Variants in CEP135 observed in about 807,000 individuals in gnomAD.
CEP135 encodes centrosomal protein 135.
In CEP135, 142 loss-of-function variants were observed where a neutral mutation model predicts 157.3. That is an observed-to-expected ratio of 0.90 (90% CI 0.79 to 1.04). CEP135 has a LOEUF of 1.04. CEP135 is among the 50% of genes least tolerant of loss of function. The pLI, the probability that CEP135 is intolerant of heterozygous loss-of-function variation, is 0.00. For missense variants in CEP135, 1,317 were observed against 1,309.2 expected (o/e 1.01, Z -0.09); for synonymous variants, 396 against 439.8 (o/e 0.90, Z 1.25).
chr4:55,999,644 A>C lies in CEP135; in HGVS notation c.2279A>C (p.Lys760Thr). The change falls in exon 17 of 26, where the codon AAA becomes ACA. Residue 760 changes from lysine to threonine, a missense_variant and splice_region_variant. By Grantham distance (78) the Lys-to-Thr change is moderately conservative (BLOSUM62 -1). Transcript: ENST00000257287. ...AATTTGCAAGAAAACCTAGCTAATA[A>C]AGTATGTGATCGTTTAATGTAATTT... ...IANLQENLAN[K>T]EKAVAQMKIM... The C allele has an allele frequency of 6.3e-7, 1 of 1,584,950 alleles. No individual in the cohort carries two copies. The highest frequency in any genetic ancestry group is 8.5e-7 in the Non-Finnish European group (1 of 1,173,174).
intron 25 of CEP135, among the ~76,000 whole-genome samples, chr4:56,027,192 CCTT>C (rs1234487337): frequency 3.3e-5 from 5 of 152,174 alleles, no homozygotes; most frequent in African/African-American, 1.2e-4. Context: ...TGGTGGTTCA[CCTT>C]CTTGTTACAA....
intron 14 of CEP135, among the ~76,000 whole-genome samples, chr4:55,988,227 G>C (rs1729661887): frequency 6.6e-6 from 1 of 151,134 alleles, no homozygotes; most frequent in African/African-American, 2.4e-5. Context: ...GAGTGTGGGG[G>C]GCGGGGGGTG....
At chr4:55,967,359 T>G (rs1195202195) in intron 8 of CEP135, among the ~76,000 whole-genome samples, 1 of 152,200 alleles carries the variant, frequency 6.6e-6, no homozygotes, top group Non-Finnish European at 1.5e-5. Context: ...GTGTCTTATT[T>G]AAAGCCTTTG....
At chr4:55,956,630 G>C (rs1728513395) in intron 4 of CEP135, among the ~76,000 whole-genome samples, 1 of 150,998 alleles carries the variant, frequency 6.6e-6, no homozygotes, top group South Asian at 2.1e-4. Context: ...TTTTTTTTGA[G>C]ATGGAGTTTC....
At chr4:55,968,622 C>T (rs1156823760) in intron 8 of CEP135, among the ~76,000 whole-genome samples, 1 of 152,172 alleles carries the variant, frequency 6.6e-6, no homozygotes, top group African/African-American at 2.4e-5. Flanking sequence ...ATTGCAAATG[C>T]TCAGAAATGA....
chr4:55,957,239 T>C lies in CEP135; in HGVS notation c.489T>C (p.Ser163=). ...VVQTPGGKKR[S]IAFRRQRMQI... is the part of the protein sequence containing the mutation. Reference sequence around the variant, plus strand: ...TCTTTTTAGGTGGCAAGAAAAGAAGTATTGCTTTCAGGCGCCAGCGTATGC... The same window carrying C: ...TCTTTTTAGGTGGCAAGAAAAGAAGCATTGCTTTCAGGCGCCAGCGTATGC... Residue 163 remains serine (S), a synonymous_variant, in exon 5 of 26, where the codon AGT becomes AGC. Coordinates refer to ENST00000257287, the MANE Select transcript of CEP135 (RefSeq NM_025009.5). The C allele has an allele frequency of 6.2e-7, 1 of 1,613,650 alleles. No individual in the cohort carries two copies. The highest frequency in any genetic ancestry group is 2.2e-5 in the East Asian group (1 of 44,878).
intron 14 of CEP135, among the ~76,000 whole-genome samples, chr4:55,990,099 AT>A (rs1303520160): frequency 2.6e-5 from 4 of 151,978 alleles, no homozygotes; most frequent in African/African-American, 9.7e-5. Flanking sequence ...TTTGTTAGTA[AT>A]TGACTTTGTT....
At chr4:55,993,473 C>T (rs913585636) in intron 15 of CEP135, among the ~76,000 whole-genome samples, 46 of 152,270 alleles carry the variant, frequency 3.0e-4, no homozygotes, top group Non-Finnish European at 6.0e-4. Flanking sequence ...GCTTCTCTGA[C>T]GATAGTTTTG....
At chr4:56,027,312 A>G (rs1731186645) in intron 25 of CEP135, among the ~76,000 whole-genome samples, 1 of 152,218 alleles carries the variant, frequency 6.6e-6, no homozygotes, top group South Asian at 2.1e-4. Flanking sequence ...AATCCATACC[A>G]CTGCCTATTA....
rs1184861455 is a variant in CEP135 at position 56,019,482 on chromosome 4, CACTT to C, written c.3144_3147del (p.His1048GlnfsTer17). The C allele has an allele frequency of 5.6e-6, 9 of 1,613,902 alleles. No homozygotes were observed. The highest frequency in any genetic ancestry group is 7.6e-6 in the Non-Finnish European group (9 of 1,179,964). On this transcript the variant is annotated frameshift_variant, in exon 23 of 26. Transcript: ENST00000257287. LOFTEE classifies it high-confidence loss of function. ...AAACAGAGATAAAGAATTTCATTCT[CACTT>C]AACCTCCCACGAGAAGGATACAGAA...
chr4:56,011,092 T>G (rs1209810646), intron 19 of CEP135, among the ~76,000 whole-genome samples: 5 of 151,398 alleles, frequency 3.3e-5, no homozygotes, highest in Admixed American at 6.6e-5. Context: ...AAAAATTAGC[T>G]GGTATGGTGA....
At chr4:55,985,162 CTG>C (rs1729535157) in intron 13 of CEP135, 117 bp from the exon 14 acceptor site, 1 of 477,628 alleles carries the variant, frequency 2.1e-6, no homozygotes, top group African/African-American at 1.9e-5. Context: ...TAAAACATTT[CTG>C]TGTTTTATGA....
chr4:56,002,721 A>G (rs896183475), intron 17 of CEP135, among the ~76,000 whole-genome samples: 2 of 152,130 alleles, frequency 1.3e-5, no homozygotes, highest in Non-Finnish European at 2.9e-5. Flanking sequence ...TGTTTTTGGT[A>G]TCAAGATAAT....
chr4:56,024,505 C>T lies in CEP135; in HGVS notation c.3325C>T (p.Arg1109Ter), dbSNP rs1418182449. Residue 1109 changes from arginine (R) to a stop codon, truncating the protein, a stop_gained, in exon 25 of 26, where the codon CGA becomes TGA. Coordinates refer to ENST00000257287, the MANE Select transcript of CEP135 (RefSeq NM_025009.5). LOFTEE classifies it high-confidence loss of function. ...QISTERYERE[R>*]AIQEMRRHGL... ...TTGTTTGATCTTTACTAACAGAGAA[C>T]GAGCAATCCAAGAGATGCGTCGACA... The T allele has an allele frequency of 1.4e-5, 23 of 1,612,096 alleles. No homozygotes were observed. Among genetic ancestry groups the T allele is most frequent in the South Asian group, 7.7e-5 (7 of 91,010 alleles).
At position 55,985,366 on chromosome 4, in the gene CEP135, A is replaced by G. The variant is rs1430399842; in HGVS notation, c.1857+8A>G. ...ACATGTGTTAATCATCAGGTAATGT[A>G]TCAAACTGGATTTGGGGTATCTTGT... On this transcript the variant is annotated splice_region_variant and intron_variant, in intron 14 of 25. Transcript: ENST00000257287. The G allele has an allele frequency of 6.6e-7, 1 of 1,510,744 alleles. No individual in the cohort carries two copies. Among genetic ancestry groups the G allele is most frequent in the East Asian group, 2.3e-5 (1 of 44,138 alleles). The allele number at this position is 1,510,744 out of a possible 1,614,324, so 93.6% of individuals were successfully genotyped here. A position where few individuals can be genotyped will look rare whatever the true frequency, so the allele number is the denominator to read the frequency against.
chr4:55,950,175 G>A (rs1044411873), intron 1 of CEP135, among the ~76,000 whole-genome samples: 4 of 152,186 alleles, frequency 2.6e-5, no homozygotes, highest in Non-Finnish European at 5.9e-5. Context: ...TATACAGAAA[G>A]GAGTGACCAA....
intron 2 of CEP135, chr4:55,952,545 T>TC (rs374694592): frequency 4.7e-5 from 10 of 214,900 alleles, no homozygotes; most frequent in South Asian, 4.2e-4. Flanking sequence ...TCTTTTTTTT[T>TC]CCCCCCCTTA....
Position 55,959,930 on chromosome 4 carries a change from C to T in CEP135, c.699+164C>T. The T allele has an allele frequency of 7.6e-6, 5 of 655,938 alleles. No individual in the cohort carries two copies. The South Asian group carries it at 9.5e-5, about 12-fold the overall frequency. The allele number at this position is 655,938 out of a possible 1,614,324, so 40.6% of individuals were successfully genotyped here. On this transcript the variant is annotated intron_variant, in intron 6 of 25. Coordinates refer to ENST00000257287, the MANE Select transcript of CEP135 (RefSeq NM_025009.5). Reference sequence around the variant, plus strand: ...TTAATAGCTGGAATGGCTTAGGTGGCTTTACTTACTTAGCCTGTCTCTTCA... The same window carrying T: ...TTAATAGCTGGAATGGCTTAGGTGGTTTTACTTACTTAGCCTGTCTCTTCA...
In CEP135 at chr4:55,999,510, G is replaced by C. The variant is rs764657891; in HGVS notation, c.2145G>C (p.Met715Ile). The change falls in exon 17 of 26, where the codon ATG (methionine) becomes ATC (isoleucine). Residue 715 changes from methionine to isoleucine, a missense_variant. Met to Ile is a conservative substitution (Grantham distance 10). Coordinates refer to ENST00000257287, the MANE Select transcript of CEP135 (RefSeq NM_025009.5). ...EEKIDELNLK[M>I]TSQDEEAHVM... is the part of the protein sequence containing the mutation. ...TTGTAGATGAACTAAACCTTAAGAT[G>C]ACTTCACAGGATGAGGAGGCTCATG... The C allele has an allele frequency of 9.9e-6, 16 of 1,610,628 alleles. No homozygotes were observed. Among genetic ancestry groups the C allele is most frequent in the Non-Finnish European group, 1.4e-5 (16 of 1,179,332 alleles).
Sources: allele counts gnomAD v4.1 joint callset (sites outside exome capture counted in the v4.1 genomes callset), GRCh38; gene constraint gnomAD v4.1.1; transcripts MANE v1.5; gene names NCBI Gene and HGNC (gene_info 2026-07-23, HGNC 2026-07-21).